The following PCDHA5 variants were observed in gnomAD, a reference collection of about 807,000 sequenced individuals.
The protein encoded by PCDHA5 is protocadherin alpha-5.
A neutral mutation model predicts 61.6 loss-of-function variants in PCDHA5; 43 were observed. That is an observed-to-expected ratio of 0.70 (90% CI 0.55 to 0.90). The LOEUF is 0.90. Among genes scored for constraint, PCDHA5 ranks in the 40% least tolerant of loss-of-function variants. PCDHA5 has a pLI of 0.00. For missense variants in PCDHA5, 1,298 were observed against 1,222.7 expected, an observed-to-expected ratio of 1.06 and a Z score of -0.92; for synonymous variants, 627 against 543.9, an observed-to-expected ratio of 1.15 and a Z score of -2.13.
chr5:140,850,382 C>T (rs2150481725), intron 1 of PCDHA5: 2 of 1,597,874 alleles, frequency 1.3e-6, no homozygotes, highest in East Asian at 2.2e-5. Context: ...TGTACACGGG[C>T]GAGATCAGCA....
chr5:140,847,058 A>C (rs1780836064), intron 1 of PCDHA5, among the ~76,000 whole-genome samples: 1 of 149,958 alleles, frequency 6.7e-6, no homozygotes, highest in Non-Finnish European at 1.5e-5. Context: ...AGACACAGAA[A>C]GCATCAATAT....
intron 1 of PCDHA5, among the ~76,000 whole-genome samples, chr5:140,953,382 G>A (rs1554220887): frequency 6.6e-6 from 1 of 152,142 alleles, no homozygotes; most frequent in Admixed American, 6.6e-5. Context: ...ACCCCTCTCA[G>A]TTGTGGATTA....
chr5:140,983,005 AAAGG>A (rs1223217874), intron 3 of PCDHA5, among the ~76,000 whole-genome samples: 2 of 152,110 alleles, frequency 1.3e-5, no homozygotes, highest in African/African-American at 2.4e-5. Flanking sequence ...AAAGAAAGAA[AAAGG>A]AAGGAAGGAA....
rs201643490 is a variant in PCDHA5 at position 140,856,993 on chromosome 5, T to A, written c.2352+32866T>A. 5.0e-6 allele frequency: 8 copies of A among 1,595,442 alleles called. No homozygotes were observed. In the East Asian group the frequency reaches 1.3e-4, roughly 27 times the overall value. On this transcript the variant is annotated intron_variant, in intron 1 of 3. Transcript: ENST00000529859. Reference sequence around the variant, plus strand: ...TTGACTTTGAGGACAGTAACACTTATGAAATTCATGTAGATGTTACAGATA... The same window carrying A: ...TTGACTTTGAGGACAGTAACACTTAAGAAATTCATGTAGATGTTACAGATA...
intron 3 of PCDHA5, among the ~76,000 whole-genome samples, chr5:140,995,268 C>G (rs2097673323): frequency 6.6e-6 from 1 of 152,110 alleles, no homozygotes; most frequent in Non-Finnish European, 1.5e-5. Flanking sequence ...AATACAAGCC[C>G]TTTGATACCA....
chr5:140,856,016 A>G (rs2043730978), intron 1 of PCDHA5: 2 of 1,550,936 alleles, frequency 1.3e-6, no homozygotes, highest in East Asian at 2.3e-5. Flanking sequence ...TAGACCGCTG[A>G]TTCGTCGATT....
In PCDHA5 at chr5:140,841,811, G is replaced by A. The variant is rs2150323241; in HGVS notation, c.2352+17684G>A. The A allele has an allele frequency of 3.1e-6, 5 of 1,613,790 alleles. No individual in the cohort carries two copies. In the African/African-American group the frequency reaches 6.7e-5, roughly 22 times the overall value. On this transcript the variant is annotated intron_variant, in intron 1 of 3. Coordinates refer to ENST00000529859, the MANE Select transcript of PCDHA5 (RefSeq NM_018908.3). The stretch of plus-strand genomic sequence containing the variant: ...GGGCGCGTCCGATGCAGATGTTGGA[G>A]CTAACTCCGTGTTAACCTACAGGCT...
At chr5:140,956,331 C>T (rs1554222358) in intron 1 of PCDHA5, among the ~76,000 whole-genome samples, 1 of 152,064 alleles carries the variant, frequency 6.6e-6, no homozygotes, top group Non-Finnish European at 1.5e-5. Flanking sequence ...TCCTTCAATA[C>T]CTAGTTTATT....
intron 3 of PCDHA5, among the ~76,000 whole-genome samples, chr5:140,987,537 T>C (rs1343074603): frequency 6.6e-6 from 1 of 152,176 alleles, no homozygotes; most frequent in African/African-American, 2.4e-5. Context: ...CCTGGGACCA[T>C]TACTTAACTT....
At chr5:140,875,874 A>C in intron 1 of PCDHA5, 1 of 1,614,188 alleles carries the variant, frequency 6.2e-7, no homozygotes, top group Non-Finnish European at 8.5e-7. Flanking sequence ...CGGTGTTCAG[A>C]GAAAGGGAAC....
intron 1 of PCDHA5, among the ~76,000 whole-genome samples, chr5:140,947,571 GT>G (rs782708059): frequency 1.8e-4 from 28 of 151,588 alleles, no homozygotes; most frequent in Non-Finnish European, 3.1e-4. Context: ...TATTGGGAAT[GT>G]TTTTAACATT....
At chr5:140,877,798 C>T in intron 1 of PCDHA5, 2 of 1,613,568 alleles carry the variant, frequency 1.2e-6, no homozygotes. Flanking sequence ...CAGCCCAAGC[C>T]TTCAGCTGTC....
chr5:140,856,202 G>A lies in PCDHA5; in HGVS notation c.2352+32075G>A, dbSNP rs150172685. On this transcript the variant is annotated intron_variant, in intron 1 of 3. Coordinates refer to ENST00000529859, the MANE Select transcript of PCDHA5 (RefSeq NM_018908.3). The stretch of plus-strand genomic sequence containing the variant: ...CGTGGGCCGCATCGCGCAGGACCTG[G>A]GGCTGGAGCTGGCGGAGCTGGTGCA... 2,025 of 1,598,130 alleles carry A rather than the reference G, an allele frequency of 1.3e-3. 175 individuals carry two copies. Among genetic ancestry groups the A allele is most frequent in the Non-Finnish European group, 1.6e-3 (1,906 of 1,167,884 alleles).
chr5:140,944,136 G>A (rs536816208), intron 1 of PCDHA5, among the ~76,000 whole-genome samples: 3 of 152,136 alleles, frequency 2.0e-5, no homozygotes, highest in African/African-American at 7.2e-5. Context: ...AAAGGTTGAA[G>A]ATTAGAAGAG....
chr5:141,009,178 G>A (rs1233603015), intron 3 of PCDHA5, among the ~76,000 whole-genome samples: 1 of 152,212 alleles, frequency 6.6e-6, no homozygotes, highest in African/African-American at 2.4e-5. Context: ...GCCTTGGCTG[G>A]GTGTGGTAGC....
At chr5:140,859,474 T>A (rs1282422046) in intron 1 of PCDHA5, 1 of 210,268 alleles carries the variant, frequency 4.8e-6, no homozygotes, top group East Asian at 1.7e-4. Flanking sequence ...CTATCAATTG[T>A]GTTTTCCTGA....
chr5:140,966,938 G>A (rs1159097726), intron 1 of PCDHA5: 1 of 1,604,146 alleles, frequency 6.2e-7, no homozygotes, highest in African/African-American at 1.3e-5. Context: ...CGGCGCGCTC[G>A]TGGGCAACGT....
At chr5:140,870,849 G>A (rs2052464243) in intron 1 of PCDHA5, 2 of 1,613,878 alleles carry the variant, frequency 1.2e-6, no homozygotes, top group Non-Finnish European at 1.7e-6. Context: ...TAGTACCGCG[G>A]TCGGTGGGTG....
intron 1 of PCDHA5, among the ~76,000 whole-genome samples, chr5:140,901,260 T>G (rs1554189701): frequency 1.3e-5 from 2 of 152,190 alleles, no homozygotes; most frequent in African/African-American, 2.4e-5. Flanking sequence ...CCTGTGATTG[T>G]GGGGTATTAC....
Sources: gnomAD v4.1 joint callset for allele counts (sites outside exome capture counted in the v4.1 genomes callset) on GRCh38, gnomAD v4.1.1 for gene constraint, MANE v1.5 for transcripts, NCBI Gene and HGNC (gene_info 2026-07-23, HGNC 2026-07-21) for gene names.